The following ZNF140 variants were observed in gnomAD, a reference collection of about 807,000 sequenced individuals.
The protein encoded by ZNF140 is zinc finger protein 140.
ZNF140 carries 13 observed loss-of-function variants against 12.9 expected under a neutral mutation model. The ratio of observed to expected loss-of-function variants is 1.01; its 90% CI spans 0.66 to 1.60. The LOEUF is 1.60. ZNF140 is among the 40% of genes most tolerant of loss of function. The pLI, the probability that ZNF140 is intolerant of heterozygous loss-of-function variation, is 0.00. For synonymous variants in ZNF140, 214 were observed against 186.7 expected (o/e 1.15, Z -1.19); for missense variants, 531 against 548.8 (o/e 0.97, Z 0.32).
Position 133,106,704 on chromosome 12 carries a change from A to T in ZNF140, c.*53A>T. On this transcript the variant is annotated 3_prime_UTR_variant, in exon 5 of 5. Coordinates refer to ENST00000355557, the MANE Select transcript of ZNF140 (RefSeq NM_003440.4). ...TGTATGGAATTTTTTAAAAAGAAGT[A>T]TAATGCCTTACTTCAGAGAACTCTT... 3 of 1,445,582 alleles carry T rather than the reference A, an allele frequency of 2.1e-6. No homozygotes were observed. The highest frequency in any genetic ancestry group is 2.8e-6 in the Non-Finnish European group (3 of 1,081,652). The allele number at this position is 1,445,582 out of a possible 1,614,324, so 89.5% of individuals were successfully genotyped here.
At position 133,106,348 on chromosome 12, in the gene ZNF140, T is replaced by C; in HGVS notation, c.1071T>C (p.Tyr357=). 2 of 1,614,140 alleles carry C rather than the reference T, an allele frequency of 1.2e-6. No homozygotes were observed. The highest frequency in any genetic ancestry group is 1.1e-5 in the South Asian group (1 of 91,076). ...GAATTCATGCTGGAGAAAAGCTCTATGAATGTGATGAATGTGGTAAAGTTT... is the reference window on the plus strand; with the variant it reads ...GAATTCATGCTGGAGAAAAGCTCTACGAATGTGATGAATGTGGTAAAGTTT... ...HQRIHAGEKL[Y]ECDECGKVFT... is the part of the protein sequence containing the mutation. Residue 357 remains tyrosine (Y), a synonymous_variant, in exon 5 of 5, where the codon TAT becomes TAC. Transcript: ENST00000355557.
Position 133,083,182 on chromosome 12 carries a change from T to C in ZNF140, c.89T>C (p.Leu30Ser). The change falls in exon 3 of 5, where the codon TTG (leucine) becomes TCG (serine). Residue 30 changes from leucine (L) to serine (S), a missense_variant. Physicochemically the swap from Leu to Ser is moderately radical, Grantham distance 145. Transcript: ENST00000355557. ...WKWLQPAQRD[L>S]YRCVMLENYG... Reference sequence around the variant, plus strand: ...TGGCTTCAGCCTGCTCAAAGAGATTTGTACAGATGTGTAATGTTGGAGAAC... The same window carrying C: ...TGGCTTCAGCCTGCTCAAAGAGATTCGTACAGATGTGTAATGTTGGAGAAC... 6.2e-7 allele frequency: 1 copy of C among 1,614,228 alleles called. No homozygotes were observed. Among genetic ancestry groups the C allele is most frequent in the Non-Finnish European group, 8.5e-7 (1 of 1,180,038 alleles).
In ZNF140 at chr12:133,081,087, G is replaced by T; in HGVS notation, c.-49+15G>T. 4.0e-6 allele frequency: 1 copy of T among 249,970 alleles called. No individual in the cohort carries two copies. Among genetic ancestry groups the T allele is most frequent in the East Asian group, 9.4e-5 (1 of 10,644 alleles). The allele number at this position is 249,970 out of a possible 1,614,324, so 15.5% of individuals were successfully genotyped here. ...GCCACTGTTAGGTGAGGGGGTTCTG[G>T]GGAGGCGCGCCGTGGCAGGAAGAGA... On this transcript the variant is annotated intron_variant, in intron 1 of 4. Transcript: ENST00000355557.
At chr12:133,102,401 A>G (rs1357627475) in intron 4 of ZNF140, among the ~76,000 whole-genome samples, 1 of 152,132 alleles carries the variant, frequency 6.6e-6, no homozygotes, top group Non-Finnish European at 1.5e-5. Context: ...CTTGGAGTAT[A>G]TTAGTTGCTG....
chr12:133,091,211 A>C (rs1435059989), intron 4 of ZNF140, among the ~76,000 whole-genome samples: 6 of 150,484 alleles, frequency 4.0e-5, no homozygotes, highest in Admixed American at 6.6e-5. Flanking sequence ...CCCTGCTTTC[A>C]AGGGCAGAGG....
In ZNF140 at chr12:133,092,289, CAG is replaced by C. The variant is rs763207967; in HGVS notation, c.232+8729_232+8730del. Among the ~76,000 whole-genome samples, 661 of 151,124 alleles carry C rather than the reference CAG, an allele frequency of 4.4e-3. 24 individuals carry two copies. Among genetic ancestry groups the C allele is most frequent in the Non-Finnish European group, 7.2e-3 (485 of 67,812 alleles). Reference sequence around the variant, plus strand: ...GCCTCCCACGGTCGGTCCATGGACACAGGGATCCTCGCACCCTCTCTTGCCCT... The same window carrying C: ...GCCTCCCACGGTCGGTCCATGGACACGGATCCTCGCACCCTCTCTTGCCCT... On this transcript the variant is annotated intron_variant, in intron 4 of 4. Transcript: ENST00000355557.
intron 4 of ZNF140, among the ~76,000 whole-genome samples, chr12:133,090,880 T>A (rs1053561359): frequency 7.3e-6 from 1 of 136,490 alleles, no homozygotes; most frequent in Admixed American, 7.4e-5. Flanking sequence ...TATGTTTCTC[T>A]CCACCCAAAC....
intron 4 of ZNF140, among the ~76,000 whole-genome samples, chr12:133,100,458 G>A (rs1282665660): frequency 6.6e-6 from 1 of 152,092 alleles, no homozygotes; most frequent in Non-Finnish European, 1.5e-5. Flanking sequence ...TGACAGGCAT[G>A]AGCCACCTTG....
In ZNF140 at chr12:133,083,491, G is replaced by A; in HGVS notation, c.162G>A (p.Val54=). The change falls in exon 4 of 5, where the codon GTG becomes GTA. Residue 54 remains valine (V), a synonymous_variant. Transcript: ENST00000355557. ...GTCTTTCCATTTCTAAGCCAGATGT[G>A]GTTTCCTTATTGGAGCAAGGGAAAG... ...SLGLSISKPD[V]VSLLEQGKEP... 3.1e-6 allele frequency: 5 copies of A among 1,613,776 alleles called. No homozygotes were observed. Among genetic ancestry groups the A allele is most frequent in the South Asian group, 1.1e-5 (1 of 91,004 alleles).
chr12:133,081,587 A>AC (rs1954504921), intron 2 of ZNF140: 3 of 454,744 alleles, frequency 6.6e-6, no homozygotes, highest in South Asian at 1.6e-5. Flanking sequence ...GAACCCCAGG[A>AC]CCCTGTCCCT....
intron 4 of ZNF140, among the ~76,000 whole-genome samples, chr12:133,096,744 A>T (rs2137546650): frequency 1.3e-5 from 2 of 152,184 alleles, no homozygotes; most frequent in East Asian, 3.8e-4. Context: ...ATATTATATG[A>T]TTTCTATTCT....
At chr12:133,096,897 G>C (rs1955150259) in intron 4 of ZNF140, among the ~76,000 whole-genome samples, 1 of 152,224 alleles carries the variant, frequency 6.6e-6, no homozygotes, top group African/African-American at 2.4e-5. Flanking sequence ...AAGTTCAGCT[G>C]TGTTCTTAAC....
At chr12:133,082,477 A>G (rs1424228141) in intron 2 of ZNF140, 2 of 152,526 alleles carry the variant, frequency 1.3e-5, no homozygotes, top group African/African-American at 4.8e-5. Context: ...GGGCTTATAT[A>G]TTATTCCCCC....
chr12:133,083,408 G>A, intron 3 of ZNF140, 58 bp from the exon 4 acceptor site: 2 of 1,565,248 alleles, frequency 1.3e-6, no homozygotes, highest in Non-Finnish European at 1.7e-6. Context: ...CATTTCCTTT[G>A]TGGCCCCTCT....
chr12:133,081,736 C>A, intron 2 of ZNF140: 1 of 344,372 alleles, frequency 2.9e-6, no homozygotes, highest in Non-Finnish European at 5.8e-6. Context: ...ACATCGCCTC[C>A]TCTTTCCCAC....
chr12:133,091,806 A>G (rs1954900449), intron 4 of ZNF140, among the ~76,000 whole-genome samples: 1 of 151,114 alleles, frequency 6.6e-6, no homozygotes. Flanking sequence ...TGATGTTTCA[A>G]AAATAATGTT....
intron 4 of ZNF140, among the ~76,000 whole-genome samples, chr12:133,100,415 A>G (rs1238960592): frequency 6.6e-6 from 1 of 152,048 alleles, no homozygotes; most frequent in Non-Finnish European, 1.5e-5. Flanking sequence ...CACTTAGGCA[A>G]TCCCCTTGTC....
At position 133,098,578 on chromosome 12, in the gene ZNF140, C is replaced by G. The variant is rs113501993; in HGVS notation, c.233-6932C>G. On this transcript the variant is annotated intron_variant, in intron 4 of 4. Transcript: ENST00000355557. The stretch of plus-strand genomic sequence containing the variant: ...AATCCAACCCTACTTTCAAATAATA[C>G]TGTGCCACTTCATGTGTAGTGCAAG... Among the ~76,000 whole-genome samples, 727 of 152,332 alleles carry G rather than the reference C, an allele frequency of 4.8e-3. 4 individuals are homozygous for G. Among genetic ancestry groups the G allele is most frequent in the African/African-American group, 0.017 (691 of 41,570 alleles).
chr12:133,103,204 A>G (rs1332495083), intron 4 of ZNF140, among the ~76,000 whole-genome samples: 2 of 152,130 alleles, frequency 1.3e-5, no homozygotes, highest in Non-Finnish European at 2.9e-5. Context: ...TCTCTCTTCT[A>G]TTTTGAAAGA....
Sources: gnomAD v4.1 joint callset for allele counts (sites outside exome capture counted in the v4.1 genomes callset) on GRCh38, gnomAD v4.1.1 for gene constraint, MANE v1.5 for transcripts, NCBI Gene and HGNC (gene_info 2026-07-23, HGNC 2026-07-21) for gene names.